KDM4B: variants seen among roughly 807,000 people sequenced by gnomAD.
The protein encoded by KDM4B is lysine-specific demethylase 4B.
KDM4B carries 32 observed loss-of-function variants against 125.2 expected under a neutral mutation model. That is an observed-to-expected ratio of 0.26 (90% confidence interval 0.19 to 0.34). The LOEUF is 0.34. Among genes scored for constraint, KDM4B ranks in the 10% least tolerant of loss-of-function variants. KDM4B has a pLI of 1.00. For synonymous variants in KDM4B, 721 were observed against 677.9 expected (o/e 1.06, Z -0.99); for missense variants, 1,190 against 1,577.7 (o/e 0.75, Z 4.16).
intron 6 of KDM4B, among the ~76,000 whole-genome samples, chr19:5,067,243 A>G (rs2037800807): frequency 6.6e-6 from 1 of 151,956 alleles, no homozygotes. Flanking sequence ...CCACCCCCTT[A>G]ACATTTCTGA....
chr19:4,990,367 G>C (rs537717509), intron 1 of KDM4B, among the ~76,000 whole-genome samples: 1 of 152,228 alleles, frequency 6.6e-6, no homozygotes, highest in Non-Finnish European at 1.5e-5. Context: ...TAGAAAGGGA[G>C]ACACTTGTGT....
At chr19:4,975,977 C>T (rs1390285568) in intron 1 of KDM4B, among the ~76,000 whole-genome samples, 6 of 149,710 alleles carry the variant, frequency 4.0e-5, no homozygotes, top group Admixed American at 6.7e-5. Flanking sequence ...TGGCCGGGTG[C>T]GGTGGCTCAC....
rs780113734 is a variant in KDM4B, at chr19:5,133,921, C to T, written c.1945C>T (p.Pro649Ser). The T allele has an allele frequency of 3.1e-6, 5 of 1,613,104 alleles. No homozygotes were observed. The highest frequency in any genetic ancestry group is 1.7e-5 in the Admixed American group (1 of 60,000). Residue 649 changes from proline to serine, a missense_variant, in exon 14 of 23, where the codon CCG (proline) becomes TCG (serine). Around this residue, in one of 7 missense-constraint regions of KDM4B, gnomAD observed 128 missense variants for 137.8 expected, o/e 0.93. Transcript: ENST00000159111. ...PFSGEEDVSD[P>S]DALRPLLSLQ... ...CTCCGGGGAGGAAGATGTGAGTGAC[C>T]CGGACGCCTTGAGGCCGCTGCTGTC... is the stretch of plus-strand genomic sequence containing the variant.
intron 2 of KDM4B, among the ~76,000 whole-genome samples, chr19:5,026,135 G>C (rs1443214037): frequency 1.3e-5 from 2 of 151,742 alleles, no homozygotes; most frequent in African/African-American, 4.8e-5. Flanking sequence ...GGGACAGGGC[G>C]TGGTGGCTCA....
At chr19:5,071,641 A>G (rs1258658499) in intron 7 of KDM4B, among the ~76,000 whole-genome samples, 1 of 152,234 alleles carries the variant, frequency 6.6e-6, no homozygotes, top group South Asian at 2.1e-4. Context: ...GGGTCCCAGC[A>G]TGTGCCTGAG....
At chr19:5,101,394 C>T (rs59312889) in intron 9 of KDM4B, among the ~76,000 whole-genome samples, 1 of 149,862 alleles carries the variant, frequency 6.7e-6, no homozygotes, top group South Asian at 2.1e-4. Flanking sequence ...TGCAGTGGCT[C>T]ATGCCTGTAG....
chr19:4,989,609 C>T (rs1025256449), intron 1 of KDM4B, among the ~76,000 whole-genome samples: 1 of 150,448 alleles, frequency 6.6e-6, no homozygotes, highest in Non-Finnish European at 1.5e-5. Flanking sequence ...CCAAAGTGCT[C>T]GGATTACAGG....
chr19:5,071,079 GC>G lies in KDM4B; in HGVS notation c.676+24del. 1 of 1,610,990 alleles carries G rather than the reference GC, an allele frequency of 6.2e-7. No individual in the cohort carries two copies. On this transcript the variant is annotated intron_variant, in intron 7 of 22. Transcript: ENST00000159111. ...CCATCGGTAGGTGCCTGCCCTGAGGGCCCCAGGGACCTGGGACCAGGTGGGA... is the reference window on the plus strand; with the variant it reads ...CCATCGGTAGGTGCCTGCCCTGAGGGCCCAGGGACCTGGGACCAGGTGGGA...
At chr19:4,983,840 G>A (rs1035974255) in intron 1 of KDM4B, among the ~76,000 whole-genome samples, 5 of 152,156 alleles carry the variant, frequency 3.3e-5, no homozygotes, top group Admixed American at 1.3e-4. Context: ...ATGGACACCC[G>A]GAGACCTGCT....
chr19:5,044,457 G>A (rs994259684), intron 5 of KDM4B, among the ~76,000 whole-genome samples: 18 of 152,154 alleles, frequency 1.2e-4, no homozygotes, highest in African/African-American at 3.9e-4. Flanking sequence ...CTTATCCCGC[G>A]CAGTGTTGAT....
intron 1 of KDM4B, among the ~76,000 whole-genome samples, chr19:5,013,642 G>A (rs1188387134): frequency 6.6e-6 from 1 of 152,170 alleles, no homozygotes; most frequent in Admixed American, 6.5e-5. Context: ...ACAGCGCAGC[G>A]TTTTCCAGGC....
rs547846527 is a variant in KDM4B, at chr19:5,021,475, G to A, written c.-26+5136G>A. 6.6e-5 allele frequency among the ~76,000 whole-genome samples: 10 copies of A among 152,168 alleles called. 1 individual carries two copies. In the South Asian group the frequency reaches 2.1e-3, roughly 32 times the overall value. On this transcript the variant is annotated intron_variant, in intron 2 of 22. Coordinates refer to ENST00000159111, the MANE Select transcript of KDM4B (RefSeq NM_015015.3). ...CTGGGTGTGGTGGCATGTACCTGTG[G>A]GGCGGGAGGATGGCTTGAGCCCGGG... is the stretch of plus-strand genomic sequence containing the variant.
intron 6 of KDM4B, 49 bp from the exon 7 acceptor site, chr19:5,070,961 G>A: frequency 4.4e-6 from 7 of 1,605,016 alleles, no homozygotes; most frequent in Non-Finnish European, 6.0e-6. Context: ...ACACCCCCTT[G>A]CGTGGCTGCC....
chr19:5,127,806 C>T (rs2039474274), intron 11 of KDM4B, among the ~76,000 whole-genome samples: 1 of 152,206 alleles, frequency 6.6e-6, no homozygotes, highest in East Asian at 1.9e-4. Context: ...AGCTCCCCAC[C>T]CAGCCTTGCC....
intron 2 of KDM4B, among the ~76,000 whole-genome samples, chr19:5,028,103 A>C (rs2036338285): frequency 6.6e-6 from 1 of 151,884 alleles, no homozygotes; most frequent in Non-Finnish European, 1.5e-5. Flanking sequence ...CAGCTTTTTG[A>C]GTAGTTGGCA....
intron 1 of KDM4B, among the ~76,000 whole-genome samples, chr19:4,996,512 C>T (rs565585654): frequency 2.0e-5 from 3 of 151,934 alleles, no homozygotes; most frequent in Non-Finnish European, 4.4e-5. Flanking sequence ...TTGCTGGGGC[C>T]ACATGTGTGC....
chr19:5,018,075 G>T (rs1027084259), intron 2 of KDM4B, among the ~76,000 whole-genome samples: 1 of 151,940 alleles, frequency 6.6e-6, no homozygotes, highest in African/African-American at 2.4e-5. Flanking sequence ...GTCTCACTCT[G>T]TCACCCAGGC....
intron 1 of KDM4B, among the ~76,000 whole-genome samples, chr19:5,014,041 T>C (rs574660642): frequency 5.9e-5 from 9 of 152,226 alleles, no homozygotes; most frequent in Non-Finnish European, 1.0e-4. Flanking sequence ...TGTGGGAAGA[T>C]ATGGAAGTCG....
chr19:5,100,626 C>G (rs12327662), intron 9 of KDM4B, among the ~76,000 whole-genome samples: 3,127 of 152,172 alleles, frequency 0.021, 99 homozygotes, highest in African/African-American at 0.067. Flanking sequence ...GCCATGTTGC[C>G]CAGGCTAGTC....
Sources: gnomAD v4.1 joint callset for allele counts (sites outside exome capture counted in the v4.1 genomes callset) on GRCh38, gnomAD v4.1.1 for gene constraint, gnomAD v4.1.1 regional missense constraint, MANE v1.5 for transcripts, NCBI Gene and HGNC (gene_info 2026-07-23, HGNC 2026-07-21) for gene names.